The following C1QTNF3 variants were observed in gnomAD, a reference collection of about 807,000 sequenced individuals.
C1QTNF3 encodes complement C1q tumor necrosis factor-related protein 3.
In C1QTNF3, 26 loss-of-function variants were observed where a neutral mutation model predicts 32.6. The ratio of observed to expected loss-of-function variants is 0.80; its 90% CI spans 0.58 to 1.11. The LOEUF is 1.11. Ranked by LOEUF, C1QTNF3 falls within the 50% of genes least tolerant of loss-of-function variation. C1QTNF3 has a pLI of 0.00. For missense variants in C1QTNF3, 362 were observed against 398.2 expected (o/e 0.91, Z 0.77); for synonymous variants, 155 against 146.0 (o/e 1.06, Z -0.44).
At chr5:34,159,969 G>A in the C1QTNF3 span, among the ~76,000 whole-genome samples, 1 of 152,056 alleles carries the variant, frequency 6.6e-6, no homozygotes, top group South Asian at 2.1e-4. Flanking sequence ...GATCATTAAC[G>A]CAAGTGAAAA....
chr5:34,243,697 G>A, the C1QTNF3 span, among the ~76,000 whole-genome samples: 1 of 151,676 alleles, frequency 6.6e-6, no homozygotes, highest in South Asian at 2.1e-4. Flanking sequence ...ATAATCCTAA[G>A]CAAATTAGTG....
At chr5:34,215,059 T>C in the C1QTNF3 span, among the ~76,000 whole-genome samples, 6 of 152,136 alleles carry the variant, frequency 3.9e-5, no homozygotes, top group Non-Finnish European at 7.4e-5. Flanking sequence ...AAATGAATAA[T>C]AGACACATAT....
At chr5:34,043,332 C>T, upstream of C1QTNF3, 2 of 581,706 alleles carry the variant, frequency 3.4e-6, no homozygotes, top group Non-Finnish European at 6.1e-6. Flanking sequence ...ATCATTTTCC[C>T]ACACCACAAG....
upstream of C1QTNF3, among the ~76,000 whole-genome samples, chr5:34,046,885 A>G (rs988097388): frequency 2.0e-5 from 3 of 152,062 alleles, no homozygotes; most frequent in African/African-American, 7.2e-5. Flanking sequence ...AAACTGGGCC[A>G]GAGAGAAGAG....
the C1QTNF3 span, among the ~76,000 whole-genome samples, chr5:34,227,978 C>CT: frequency 0.02 from 2,775 of 137,452 alleles, 55 homozygotes; most frequent in African/African-American, 0.055. Context: ...GGAGAAAATC[C>CT]TTTTTTTTTT....
At chr5:34,210,036 A>C in the C1QTNF3 span, among the ~76,000 whole-genome samples, 7 of 152,062 alleles carry the variant, frequency 4.6e-5, no homozygotes, top group Non-Finnish European at 2.9e-5. Flanking sequence ...CAATGATACA[A>C]TATTGATGCA....
the C1QTNF3 span, among the ~76,000 whole-genome samples, chr5:34,062,540 G>A: frequency 2.0e-5 from 3 of 152,186 alleles, no homozygotes; most frequent in Non-Finnish European, 2.9e-5. Context: ...TTAAGGCTTG[G>A]CTGAGCACAA....
At chr5:34,160,355 A>T in the C1QTNF3 span, among the ~76,000 whole-genome samples, 11 of 152,230 alleles carry the variant, frequency 7.2e-5, no homozygotes, top group Non-Finnish European at 1.6e-4. Context: ...AAATGAACAT[A>T]CCTGGATGAA....
chr5:34,022,274 C>T (rs1754349321), intron 5 of C1QTNF3, among the ~76,000 whole-genome samples: 1 of 152,152 alleles, frequency 6.6e-6, no homozygotes, highest in South Asian at 2.1e-4. Context: ...GACACAAAAC[C>T]AGACTCCAGA....
In C1QTNF3 at chr5:34,028,724, C is replaced by G. The variant is rs369114743; in HGVS notation, c.700+30G>C. On this transcript the variant is annotated intron_variant, in intron 4 of 5. Transcript: ENST00000382065. ...TTGTCTTTATTATTACATTGATTAACTCAATCTTCATCCTATGTTTCCATC... is the reference window on the plus strand; with the variant it reads ...TTGTCTTTATTATTACATTGATTAAGTCAATCTTCATCCTATGTTTCCATC... 3.9e-5 allele frequency: 62 copies of G among 1,570,360 alleles called. No homozygotes were observed. The African/African-American group carries it at 7.8e-4, about 20-fold the overall frequency.
chr5:34,067,461 T>C, the C1QTNF3 span, among the ~76,000 whole-genome samples: 1 of 152,170 alleles, frequency 6.6e-6, no homozygotes, highest in Non-Finnish European at 1.5e-5. Flanking sequence ...AGCCTCACTA[T>C]CATGGCAGAA....
chr5:34,126,909 G>C, the C1QTNF3 span, among the ~76,000 whole-genome samples: 1 of 152,086 alleles, frequency 6.6e-6, no homozygotes, highest in African/African-American at 2.4e-5. Flanking sequence ...TTGAATCATG[G>C]GGGCGGACAT....
chr5:34,222,063 G>A, the C1QTNF3 span, among the ~76,000 whole-genome samples: 41 of 152,002 alleles, frequency 2.7e-4, no homozygotes, highest in African/African-American at 9.2e-4. Context: ...CATTATTATA[G>A]ATATTTCGCT....
the C1QTNF3 span, among the ~76,000 whole-genome samples, chr5:34,134,080 A>G: frequency 6.6e-6 from 1 of 152,170 alleles, no homozygotes; most frequent in East Asian, 1.9e-4. Context: ...CCTCATTTTA[A>G]TGTGACCTAA....
chr5:34,114,839 CT>C, the C1QTNF3 span, among the ~76,000 whole-genome samples: 1 of 152,108 alleles, frequency 6.6e-6, no homozygotes, highest in Non-Finnish European at 1.5e-5. Context: ...AATTTCATCA[CT>C]TTTTCCAACA....
the C1QTNF3 span, among the ~76,000 whole-genome samples, chr5:34,171,893 T>C: frequency 6.6e-6 from 1 of 152,234 alleles, no homozygotes; most frequent in Non-Finnish European, 1.5e-5. Context: ...AAACTACCCA[T>C]AAATGTACCC....
intron 2 of C1QTNF3, among the ~76,000 whole-genome samples, chr5:34,035,035 T>C (rs1466944839): frequency 6.6e-6 from 1 of 152,128 alleles, no homozygotes; most frequent in Non-Finnish European, 1.5e-5. Flanking sequence ...AAACCCAAGA[T>C]AGGCTTGGGA....
upstream of C1QTNF3, among the ~76,000 whole-genome samples, chr5:34,045,448 C>T (rs1337183017): frequency 2.6e-5 from 4 of 152,196 alleles, no homozygotes; most frequent in Admixed American, 6.5e-5. Flanking sequence ...AATCACTGAT[C>T]CATCCTCTCA....
chr5:34,124,422 T>A, the C1QTNF3 span: 1 of 716,428 alleles, frequency 1.4e-6, no homozygotes, highest in South Asian at 1.5e-5. Flanking sequence ...TGATACCTGC[T>A]TCTGGAGAGG....
Sources: gnomAD v4.1 joint callset for allele counts (sites outside exome capture counted in the v4.1 genomes callset) on GRCh38, gnomAD v4.1.1 for gene constraint, MANE v1.5 for transcripts, NCBI Gene and HGNC (gene_info 2026-07-23, HGNC 2026-07-21) for gene names.